Variants in CASQ2 observed in about 807,000 individuals in gnomAD.
The protein encoded by CASQ2 is calsequestrin 2.
Under a neutral mutation model 46.5 loss-of-function variants are expected in CASQ2, and 49 were observed. The ratio of observed to expected loss-of-function variants is 1.05; its 90% CI spans 0.84 to 1.34. CASQ2 has a LOEUF of 1.34. Ranked by LOEUF, CASQ2 falls within the 40% of genes most tolerant of loss-of-function variation. The probability of loss-of-function intolerance (pLI) is 0.00; values close to 1 mark genes in which losing one functional copy is unlikely to be tolerated. For synonymous variants in CASQ2, 174 were observed against 168.5 expected (o/e 1.03, Z -0.25); for missense variants, 486 against 481.3 (o/e 1.01, Z -0.09).
At chr1:115,720,050 G>T (rs1043384213) in intron 7 of CASQ2, among the ~76,000 whole-genome samples, 1 of 152,130 alleles carries the variant, frequency 6.6e-6, no homozygotes, top group Non-Finnish European at 1.5e-5. Context: ...CTTATTGAAT[G>T]CTTGAAGAAT....
chr1:115,712,267 T>G (rs1654572962), intron 8 of CASQ2, among the ~76,000 whole-genome samples: 1 of 152,218 alleles, frequency 6.6e-6, no homozygotes, highest in African/African-American at 2.4e-5. Flanking sequence ...CCCACAGCTA[T>G]GAGACGGCAC....
At chr1:115,760,606 C>T (rs1431670016) in intron 1 of CASQ2, among the ~76,000 whole-genome samples, 2 of 152,220 alleles carry the variant, frequency 1.3e-5, no homozygotes, top group African/African-American at 2.4e-5. Context: ...GGCCTTCAAA[C>T]TTGGCTGCAT....
intron 7 of CASQ2, among the ~76,000 whole-genome samples, chr1:115,722,160 G>A (rs1647400946): frequency 6.6e-6 from 1 of 152,210 alleles, no homozygotes; most frequent in South Asian, 2.1e-4. Flanking sequence ...GGGTTCCTGG[G>A]TAAGACATGA....
At chr1:115,736,127 C>A (rs375168874) in intron 4 of CASQ2, among the ~76,000 whole-genome samples, 2 of 148,310 alleles carry the variant, frequency 1.3e-5, no homozygotes, top group African/African-American at 5.0e-5. Flanking sequence ...TGCACCATTG[C>A]ACTCCAGCCT....
chr1:115,735,739 T>G (rs910734415), intron 4 of CASQ2, among the ~76,000 whole-genome samples: 1 of 152,192 alleles, frequency 6.6e-6, no homozygotes, highest in African/African-American at 2.4e-5. Context: ...ATAAGGAATA[T>G]GAACATTACA....
intron 8 of CASQ2, among the ~76,000 whole-genome samples, chr1:115,707,959 C>CT (rs1490455503): frequency 6.6e-6 from 1 of 152,204 alleles, no homozygotes; most frequent in Non-Finnish European, 1.5e-5. Flanking sequence ...GGGACAGGAT[C>CT]TGTGACCCAG....
Position 115,700,972 on chromosome 1 carries a change from C to G in CASQ2, c.*269G>C, listed in dbSNP as rs1266768426. 4.9e-6 allele frequency: 3 copies of G among 616,858 alleles called. No homozygotes were observed. Among genetic ancestry groups the G allele is most frequent in the African/African-American group, 3.7e-5 (2 of 54,262 alleles). The allele number at this position is 616,858 out of a possible 1,614,324, so 38.2% of individuals were successfully genotyped here. ...AGGCACTGCCATGACCCTTGATGGT[C>G]CAGCAAAGAACAAGATCTGTTCCGT... On this transcript the variant is annotated 3_prime_UTR_variant, in exon 11 of 11. Transcript: ENST00000261448.
chr1:115,720,657 A>G (rs1647336157), intron 7 of CASQ2, among the ~76,000 whole-genome samples: 1 of 152,154 alleles, frequency 6.6e-6, no homozygotes. Context: ...AGATTTCCCA[A>G]AGAACCGGAG....
rs796751992 is a variant in CASQ2 at position 115,750,796 on chromosome 1, C to T, written c.235-5884G>A. 4.1e-5 allele frequency among the ~76,000 whole-genome samples: 6 copies of T among 146,294 alleles called. No individual in the cohort carries two copies. The East Asian group carries it at 1.0e-3, about 25-fold the overall frequency. On this transcript the variant is annotated intron_variant, in intron 1 of 10. Coordinates refer to ENST00000261448, the MANE Select transcript of CASQ2 (RefSeq NM_001232.4). ...TGTTGGGATTACAGCCATGAGCCAC[C>T]GCGCCCAGCCTAAAAATTCTATTTA...
At chr1:115,721,584 T>G (rs1326059840) in intron 7 of CASQ2, among the ~76,000 whole-genome samples, 2 of 152,170 alleles carry the variant, frequency 1.3e-5, no homozygotes, top group African/African-American at 4.8e-5. Flanking sequence ...CCTTTCTTTT[T>G]CTTTCGAAAC....
Position 115,701,302 on chromosome 1 carries a change from T to C in CASQ2, c.1139A>G (p.Asp380Gly). ...INTEDDDEDD[D>G]DDDNSDEEDN... The stretch of plus-strand genomic sequence containing the variant: ...CTCTTCATCAGAATTATCATCATCA[T>C]CATCATCTTCATCATCATCTTCAGT... Residue 380 changes from aspartate to glycine, a missense_variant, in exon 11 of 11, where the codon GAT (aspartate) becomes GGT (glycine). Coordinates refer to ENST00000261448, the MANE Select transcript of CASQ2 (RefSeq NM_001232.4). The C allele has an allele frequency of 6.3e-7, 1 of 1,594,480 alleles. No homozygotes were observed. The highest frequency in any genetic ancestry group is 8.6e-7 in the Non-Finnish European group (1 of 1,162,182).
At chr1:115,765,300 G>A (rs1282417372) in intron 1 of CASQ2, among the ~76,000 whole-genome samples, 3 of 152,218 alleles carry the variant, frequency 2.0e-5, no homozygotes, top group Non-Finnish European at 4.4e-5. Flanking sequence ...GGTATTTCAA[G>A]TGCCCCTCAT....
At position 115,761,193 on chromosome 1, in the gene CASQ2, G is replaced by T. The variant is rs181829132; in HGVS notation, c.234+7115C>A. 5.3e-5 allele frequency among the ~76,000 whole-genome samples: 8 copies of T among 150,326 alleles called. 1 individual carries two copies. In the East Asian group the frequency reaches 1.6e-3, roughly 30 times the overall value. On this transcript the variant is annotated intron_variant, in intron 1 of 10. Coordinates refer to ENST00000261448, the MANE Select transcript of CASQ2 (RefSeq NM_001232.4). ...CTGAGGTTGGACATAGAAAAATGGT[G>T]GTATACCAGCCTGGCCAACATGGTG...
In CASQ2 at chr1:115,705,186, A is replaced by G; in HGVS notation, c.939+6T>C. ...TGAGGGTGGGGCGCTGGCTGGAGCCACTCACCAGAGGAAAGTCGTCCGGGT... is the reference window on the plus strand; with the variant it reads ...TGAGGGTGGGGCGCTGGCTGGAGCCGCTCACCAGAGGAAAGTCGTCCGGGT... On this transcript the variant is annotated splice_donor_region_variant and intron_variant, in intron 9 of 10. Coordinates refer to ENST00000261448, the MANE Select transcript of CASQ2 (RefSeq NM_001232.4). The G allele has an allele frequency of 6.3e-7, 1 of 1,588,428 alleles. No individual in the cohort carries two copies. The highest frequency in any genetic ancestry group is 8.6e-7 in the Non-Finnish European group (1 of 1,156,536).
At chr1:115,746,180 A>C (rs1459784057) in intron 1 of CASQ2, among the ~76,000 whole-genome samples, 1 of 150,370 alleles carries the variant, frequency 6.7e-6, no homozygotes, top group Non-Finnish European at 1.5e-5. Context: ...TTTATTGCTG[A>C]GTAGAATGTA....
At chr1:115,707,665 G>A (rs1053045495) in intron 8 of CASQ2, among the ~76,000 whole-genome samples, 1 of 152,188 alleles carries the variant, frequency 6.6e-6, no homozygotes, top group African/African-American at 2.4e-5. Flanking sequence ...TGTAGAGATA[G>A]AAATCATAGT....
chr1:115,711,217 C>T (rs1454720316), intron 8 of CASQ2, among the ~76,000 whole-genome samples: 3 of 152,192 alleles, frequency 2.0e-5, no homozygotes, highest in Non-Finnish European at 2.9e-5. Context: ...GGTCTCTGCT[C>T]CTGTGAGGAG....
At chr1:115,709,314 C>T (rs1406093649) in intron 8 of CASQ2, among the ~76,000 whole-genome samples, 1 of 152,298 alleles carries the variant, frequency 6.6e-6, no homozygotes, top group East Asian at 1.9e-4. Context: ...CCGCATTTCA[C>T]TTTAGTAATT....
intron 7 of CASQ2, 56 bp downstream of exon 7, chr1:115,725,452 C>T: frequency 6.3e-7 from 1 of 1,593,460 alleles, no homozygotes; most frequent in Non-Finnish European, 8.6e-7. Context: ...AAGAAGCACT[C>T]CTCTTTGGGA....
Sources: gnomAD v4.1 joint callset for allele counts (sites outside exome capture counted in the v4.1 genomes callset) on GRCh38, gnomAD v4.1.1 for gene constraint, MANE v1.5 for transcripts, NCBI Gene and HGNC (gene_info 2026-07-23, HGNC 2026-07-21) for gene names.